KL: variants seen among roughly 807,000 people sequenced by gnomAD.
KL encodes alpha-klotho.
A neutral mutation model predicts 84.2 loss-of-function variants in KL; 62 were observed. That is an observed-to-expected ratio of 0.74 (90% confidence interval 0.60 to 0.91). The LOEUF (loss-of-function observed/expected upper bound fraction) is 0.91, where lower values mean the gene tolerates loss of function less well. Among genes scored for constraint, KL ranks in the 40% least tolerant of loss-of-function variants. The pLI, the probability that KL is intolerant of heterozygous loss-of-function variation, is 0.00. For synonymous variants in KL, 528 were observed against 528.0 expected (o/e 1.00, Z 0.00); for missense variants, 1,261 against 1,305.7 (o/e 0.97, Z 0.53).
intron 1 of KL, among the ~76,000 whole-genome samples, chr13:33,052,459 T>G (rs1871791266): frequency 6.6e-6 from 1 of 152,244 alleles, no homozygotes; most frequent in Non-Finnish European, 1.5e-5. Flanking sequence ...GATTCTCTAT[T>G]TCCTTCTTAG....
At chr13:33,025,016 C>T (rs1870715818) in intron 1 of KL, among the ~76,000 whole-genome samples, 1 of 152,142 alleles carries the variant, frequency 6.6e-6, no homozygotes, top group Non-Finnish European at 1.5e-5. Flanking sequence ...TTACTCCTTC[C>T]TGGCCAGAGC....
chr13:33,040,929 G>A (rs968430470), intron 1 of KL, among the ~76,000 whole-genome samples: 1 of 152,092 alleles, frequency 6.6e-6, no homozygotes, highest in Admixed American at 6.5e-5. Flanking sequence ...TCATCAGCAG[G>A]TTCTACAGAT....
At chr13:33,025,530 A>G (rs1411601509) in intron 1 of KL, among the ~76,000 whole-genome samples, 1 of 152,156 alleles carries the variant, frequency 6.6e-6, no homozygotes, top group African/African-American at 2.4e-5. Flanking sequence ...TACAGGTGAG[A>G]CAGTGTGGCC....
rs774607691 is a variant in KL, at chr13:33,054,293, A to G, written c.1330+16A>G. The G allele has an allele frequency of 6.2e-7, 1 of 1,611,396 alleles. No individual in the cohort carries two copies. The highest frequency in any genetic ancestry group is 1.1e-5 in the South Asian group (1 of 90,888). On this transcript the variant is annotated intron_variant, in intron 2 of 4. Coordinates refer to ENST00000380099, the MANE Select transcript of KL (RefSeq NM_004795.4). Reference sequence around the variant, plus strand: ...ACCTTAAAAGGTATGATTGTGGGTAAAGTTCTCATTTCCTGCCAAAATCTT... The same window carrying G: ...ACCTTAAAAGGTATGATTGTGGGTAGAGTTCTCATTTCCTGCCAAAATCTT...
intron 1 of KL, among the ~76,000 whole-genome samples, chr13:33,028,684 A>G (rs1027259395): frequency 6.6e-6 from 1 of 152,368 alleles, no homozygotes; most frequent in Non-Finnish European, 1.5e-5. Context: ...AGAATTAGCC[A>G]CAGTCCCAAA....
Position 33,065,615 on chromosome 13 carries a change from T to C in KL, c.*1429T>C, listed in dbSNP as rs896957183. ...TATGATTTTTTCATGAAAGATAAGC[T>C]TTTGGTAATATTCATTTTAAAGTGG... On this transcript the variant is annotated 3_prime_UTR_variant, in exon 5 of 5. Transcript: ENST00000380099. The C allele has an allele frequency of 5.5e-6, 1 of 180,762 alleles. No individual in the cohort carries two copies. The highest frequency in any genetic ancestry group is 1.2e-5 in the Non-Finnish European group (1 of 84,350). 11.2% of individuals were successfully genotyped at this position (180,762 alleles called of 1,614,324 possible). A position where few individuals can be genotyped will look rare whatever the true frequency, so the allele number is the denominator to read the frequency against.
chr13:33,065,959 CAACTT>C lies in KL; in HGVS notation c.*1777_*1781del, dbSNP rs1168960276. ...AGTATTCCACCACAGGAATGTATCA[CAACTT>C]AACCGTTCCCGTTTGTTAGACTAGT... On this transcript the variant is annotated 3_prime_UTR_variant, in exon 5 of 5. Transcript: ENST00000380099. The C allele has an allele frequency of 1.1e-5, 2 of 176,746 alleles. No individual in the cohort carries two copies. The highest frequency in any genetic ancestry group is 2.4e-5 in the African/African-American group (1 of 42,246). The allele number at this position is 176,746 out of a possible 1,614,324, so 10.9% of individuals were successfully genotyped here. A position where few individuals can be genotyped will look rare whatever the true frequency, so the allele number is the denominator to read the frequency against.
At position 33,055,078 on chromosome 13, in the gene KL, G is replaced by A; in HGVS notation, c.1362G>A (p.Gly454=). 1 of 1,614,186 alleles carries A rather than the reference G, an allele frequency of 6.2e-7. No individual in the cohort carries two copies. The highest frequency in any genetic ancestry group is 8.5e-7 in the Non-Finnish European group (1 of 1,180,028). Residue 454 remains glycine (G), a synonymous_variant, in exon 3 of 5, where the codon GGG becomes GGA. Coordinates refer to ENST00000380099, the MANE Select transcript of KL (RefSeq NM_004795.4). ...AGCTGGATGGGGTGGATGTCATCGG[G>A]TATACCGCATGGTCCCTCATGGATG... The part of the protein sequence containing the change: ...AIKLDGVDVI[G]YTAWSLMDGF...
chr13:33,016,627 G>A lies in KL; in HGVS notation c.187G>A (p.Asp63Asn). The A allele has an allele frequency of 1.9e-6, 3 of 1,552,878 alleles. No homozygotes were observed. The highest frequency in any genetic ancestry group is 1.4e-5 in the African/African-American group (1 of 73,216). Residue 63 changes from aspartate (D) to asparagine (N), a missense_variant, in exon 1 of 5, where the codon GAC becomes AAC. Physicochemically the swap from Asp to Asn is conservative, Grantham distance 23 (BLOSUM62 1). Coordinates refer to ENST00000380099, the MANE Select transcript of KL (RefSeq NM_004795.4). The stretch of plus-strand genomic sequence containing the variant: ...GGGCCTCTTCCAGGGCACCTTCCCC[G>A]ACGGCTTCCTCTGGGCCGTGGGCAG... ...AAGLFQGTFP[D>N]GFLWAVGSAA...
At chr13:33,024,656 T>C (rs1385235617) in intron 1 of KL, among the ~76,000 whole-genome samples, 1 of 152,206 alleles carries the variant, frequency 6.6e-6, no homozygotes, top group Admixed American at 6.5e-5. Flanking sequence ...TCAGAGCCTC[T>C]TGGGGATGCT....
At chr13:33,020,543 C>T (rs2238166) in intron 1 of KL, among the ~76,000 whole-genome samples, 47,003 of 151,828 alleles carry the variant, frequency 0.31, 8,357 homozygotes, top group Admixed American at 0.43. Context: ...CATGTCACAT[C>T]GAACACATCC....
chr13:33,063,255 A>G (rs966124018), intron 4 of KL, among the ~76,000 whole-genome samples: 2 of 145,944 alleles, frequency 1.4e-5, no homozygotes, highest in African/African-American at 5.3e-5. Context: ...GGAAAAAGGA[A>G]AAAAAAAAAA....
At position 33,016,548 on chromosome 13, in the gene KL, C is replaced by G; in HGVS notation, c.108C>G (p.Gly36=). 6 of 1,402,772 alleles carry G rather than the reference C, an allele frequency of 4.3e-6. No homozygotes were observed. Among genetic ancestry groups the G allele is most frequent in the Non-Finnish European group, 4.6e-6 (5 of 1,083,052 alleles). 86.9% of individuals were successfully genotyped at this position (1,402,772 alleles called of 1,614,324 possible). The part of the protein sequence containing the change: ...LGGRRLRAEP[G]DGAQTWARFS... ...GCCGCCGCCTGCGTGCGGAGCCGGGCGACGGCGCGCAGACCTGGGCCCGTT... is the reference window on the plus strand; with the variant it reads ...GCCGCCGCCTGCGTGCGGAGCCGGGGGACGGCGCGCAGACCTGGGCCCGTT... Residue 36 remains glycine (G), a synonymous_variant, in exon 1 of 5, where the codon GGC becomes GGG. Transcript: ENST00000380099.
chr13:33,060,906 C>T lies in KL; in HGVS notation c.1827C>T (p.Ser609=). ...WALILPLGNQ[S]QVNHTILQYY... Reference sequence around the variant, plus strand: ...TGATTCTCCCTCTGGGTAACCAGTCCCAGGTGAACCACACCATCCTGCAGT... The same window carrying T: ...TGATTCTCCCTCTGGGTAACCAGTCTCAGGTGAACCACACCATCCTGCAGT... The change falls in exon 4 of 5, where the codon TCC becomes TCT. Residue 609 remains serine (S), a synonymous_variant. Transcript: ENST00000380099. 1 of 1,614,130 alleles carries T rather than the reference C, an allele frequency of 6.2e-7. No homozygotes were observed. Among genetic ancestry groups the T allele is most frequent in the Non-Finnish European group, 8.5e-7 (1 of 1,179,968 alleles).
At position 33,056,036 on chromosome 13, in the gene KL, G is replaced by A. The variant is rs951638822; in HGVS notation, c.1599+721G>A. 2.6e-5 allele frequency among the ~76,000 whole-genome samples: 4 copies of A among 152,146 alleles called. No individual in the cohort carries two copies. The East Asian group carries it at 7.7e-4, about 29-fold the overall frequency. ...TAGTTGCTCGGGTCGCTTGGTTAAG[G>A]GGAGTGCAGGTAGAGGGTATACTGA... On this transcript the variant is annotated intron_variant, in intron 3 of 4. Coordinates refer to ENST00000380099, the MANE Select transcript of KL (RefSeq NM_004795.4).
At chr13:33,031,105 G>A (rs1427675493) in intron 1 of KL, among the ~76,000 whole-genome samples, 4 of 152,184 alleles carry the variant, frequency 2.6e-5, no homozygotes, top group Admixed American at 6.5e-5. Context: ...TTAAAGAGCC[G>A]ACTGAGTTCC....
intron 1 of KL, among the ~76,000 whole-genome samples, chr13:33,030,347 T>C (rs1870931672): frequency 6.6e-6 from 1 of 152,236 alleles, no homozygotes; most frequent in Admixed American, 6.5e-5. Flanking sequence ...GAATCCATGT[T>C]GTCTCCTAGT....
intron 1 of KL, among the ~76,000 whole-genome samples, chr13:33,019,682 A>G (rs1451968667): frequency 6.6e-6 from 1 of 150,430 alleles, no homozygotes; most frequent in Non-Finnish European, 1.5e-5. Flanking sequence ...TGGGTTCCTC[A>G]TACTGGAGTG....
rs1217344992 is a variant in KL at position 33,065,613 on chromosome 13, G to A, written c.*1427G>A. The A allele has an allele frequency of 5.5e-6, 1 of 180,682 alleles. No individual in the cohort carries two copies. Among genetic ancestry groups the A allele is most frequent in the Admixed American group, 6.3e-5 (1 of 15,884 alleles). 11.2% of individuals were successfully genotyped at this position (180,682 alleles called of 1,614,324 possible). A position where few individuals can be genotyped will look rare whatever the true frequency, so the allele number is the denominator to read the frequency against. On this transcript the variant is annotated 3_prime_UTR_variant, in exon 5 of 5. Coordinates refer to ENST00000380099, the MANE Select transcript of KL (RefSeq NM_004795.4). Reference sequence around the variant, plus strand: ...GGTATGATTTTTTCATGAAAGATAAGCTTTTGGTAATATTCATTTTAAAGT... The same window carrying A: ...GGTATGATTTTTTCATGAAAGATAAACTTTTGGTAATATTCATTTTAAAGT...
Sources: gnomAD v4.1 joint callset for allele counts (sites outside exome capture counted in the v4.1 genomes callset) on GRCh38, gnomAD v4.1.1 for gene constraint, MANE v1.5 for transcripts, NCBI Gene and HGNC (gene_info 2026-07-23, HGNC 2026-07-21) for gene names.